Variants in IFT140 observed in about 807,000 individuals in gnomAD.
The protein encoded by IFT140 is intraflagellar transport 140, also known as intraflagellar transport protein 140 homolog.
IFT140 carries 133 observed loss-of-function variants against 164.6 expected under a neutral mutation model. That is an observed-to-expected ratio of 0.81 (90% confidence interval 0.70 to 0.93). The LOEUF is 0.93. IFT140 is among the 40% of genes least tolerant of loss of function. The probability of loss-of-function intolerance (pLI) is 0.00; values close to 1 mark genes in which losing one functional copy is unlikely to be tolerated. For missense variants in IFT140, 2,045 were observed against 1,972.3 expected (o/e 1.04, Z -0.70); for synonymous variants, 860 against 817.3 (o/e 1.05, Z -0.89).
At position 1,526,027 on chromosome 16, in the gene IFT140, G is replaced by C; in HGVS notation, c.2628C>G (p.Asn876Lys). The C allele has an allele frequency of 6.2e-7, 1 of 1,601,926 alleles. No homozygotes were observed. The highest frequency in any genetic ancestry group is 8.5e-7 in the Non-Finnish European group (1 of 1,174,638). ...ACCGGCCCGCAGCCTGGTAGAACTTGTTCAGGAGGTCGTGGCGCTTGCACT... is the reference window on the plus strand; with the variant it reads ...ACCGGCCCGCAGCCTGGTAGAACTTCTTCAGGAGGTCGTGGCGCTTGCACT... ...YRKCKRHDLL[N>K]KFYQAAGRWQ... Residue 876 changes from asparagine to lysine, a missense_variant, in exon 21 of 31, where the codon AAC becomes AAG. Physicochemically the swap from Asn to Lys is moderately conservative, Grantham distance 94 (BLOSUM62 0). Coordinates refer to ENST00000426508, the MANE Select transcript of IFT140 (RefSeq NM_014714.4).
rs998440618 is a variant in IFT140, at chr16:1,584,496, T to C, written c.1156-76A>G. ...AGAAAGATGCGGTCAGGAGAATACT[T>C]ACACACACGAGAACTCAGAAACCAT... On this transcript the variant is annotated intron_variant, in intron 10 of 30. Coordinates refer to ENST00000426508, the MANE Select transcript of IFT140 (RefSeq NM_014714.4). 2.1e-5 allele frequency: 24 copies of C among 1,158,172 alleles called. No individual in the cohort carries two copies. The South Asian group carries it at 2.6e-4, about 12-fold the overall frequency. The allele number at this position is 1,158,172 out of a possible 1,614,324, so 71.7% of individuals were successfully genotyped here. A position where few individuals can be genotyped will look rare whatever the true frequency, so the allele number is the denominator to read the frequency against.
chr16:1,550,073 G>A (rs916794607), intron 19 of IFT140, among the ~76,000 whole-genome samples: 2 of 152,080 alleles, frequency 1.3e-5, no homozygotes, highest in Non-Finnish European at 2.9e-5. Context: ...GAATAGCTGA[G>A]GCTACAGGTG....
chr16:1,518,448 G>A (rs191115159), intron 29 of IFT140, 91 bp from the exon 30 acceptor site: 3 of 1,308,890 alleles, frequency 2.3e-6, no homozygotes, highest in Non-Finnish European at 3.1e-6. Context: ...TGTAAGAGGA[G>A]CTCTCCGGAA....
At chr16:1,521,545 T>C (rs886086976) in intron 26 of IFT140, among the ~76,000 whole-genome samples, 4 of 151,722 alleles carry the variant, frequency 2.6e-5, no homozygotes, top group South Asian at 2.1e-4. Context: ...CCCGCCACCA[T>C]GCCCGGCTAA....
At chr16:1,590,507 C>T (rs1409062925) in intron 6 of IFT140, among the ~76,000 whole-genome samples, 1 of 152,158 alleles carries the variant, frequency 6.6e-6, no homozygotes, top group Admixed American at 6.5e-5. Context: ...CAGGCTCTCT[C>T]TGGACCTCCC....
chr16:1,527,877 G>A (rs1029651420), intron 19 of IFT140, among the ~76,000 whole-genome samples: 2 of 152,286 alleles, frequency 1.3e-5, no homozygotes, highest in South Asian at 2.1e-4. Flanking sequence ...CCAGCCCCCC[G>A]CCTCTCCATG....
chr16:1,554,384 C>CT (rs1441511149), intron 19 of IFT140, among the ~76,000 whole-genome samples: 1 of 152,216 alleles, frequency 6.6e-6, no homozygotes, highest in Non-Finnish European at 1.5e-5. Flanking sequence ...ACTGCTGAGT[C>CT]TGGGGGGCTA....
chr16:1,602,239 CTACAATTG>C, intron 4 of IFT140, 123 bp downstream of exon 4: 4 of 832,050 alleles, frequency 4.8e-6, no homozygotes, highest in Non-Finnish European at 7.7e-6. Flanking sequence ...AAAACAAAAT[CTACAATTG>C]CATCTGACAA....
At chr16:1,519,625 C>T (rs1341559779) in intron 29 of IFT140, among the ~76,000 whole-genome samples, 1 of 152,184 alleles carries the variant, frequency 6.6e-6, no homozygotes, top group African/African-American at 2.4e-5. Flanking sequence ...TCCTGCTCCA[C>T]ATCTGCCTCC....
intron 15 of IFT140, among the ~76,000 whole-genome samples, chr16:1,567,326 T>A (rs923651538): frequency 1.3e-5 from 2 of 152,218 alleles, no homozygotes; most frequent in East Asian, 1.9e-4. Context: ...CCCACCTGCA[T>A]CAGCCTTGGC....
chr16:1,572,214 G>T lies in IFT140; in HGVS notation c.1525-680C>A, dbSNP rs1239832143. Among the ~76,000 whole-genome samples the T allele has an allele frequency of 2.6e-5, 4 of 152,234 alleles. No homozygotes were observed. The East Asian group carries it at 7.7e-4, about 29-fold the overall frequency. ...GTTCCTGCAGGCTGAGGGGAAGAGT[G>T]AGATTTCCTTCTAAGTGAAACTGGA... On this transcript the variant is annotated intron_variant, in intron 13 of 30. Coordinates refer to ENST00000426508, the MANE Select transcript of IFT140 (RefSeq NM_014714.4).
Position 1,587,304 on chromosome 16 carries a change from T to C in IFT140, c.903A>G (p.Arg301=), listed in dbSNP as rs779452063. ...LVMAVGEAAL[R]FWDIERGENY... ...TCTCTCCTCGTTCTATGTCCCAGAATCTACAACAGAAGAAAGCAAGCCCCA... is the reference window on the plus strand; with the variant it reads ...TCTCTCCTCGTTCTATGTCCCAGAACCTACAACAGAAGAAAGCAAGCCCCA... The change falls in exon 9 of 31, where the codon AGA becomes AGG. Residue 301 remains arginine, a splice_region_variant and synonymous_variant. Transcript: ENST00000426508. 1.2e-6 allele frequency: 2 copies of C among 1,602,254 alleles called. No individual in the cohort carries two copies. The highest frequency in any genetic ancestry group is 2.2e-5 in the East Asian group (1 of 44,850).
rs1291087213 is a variant in IFT140 at position 1,563,979 on chromosome 16, A to G, written c.2067+18T>C. 2 of 1,544,838 alleles carry G rather than the reference A, an allele frequency of 1.3e-6. No homozygotes were observed. Among genetic ancestry groups the G allele is most frequent in the African/African-American group, 2.8e-5 (2 of 72,574 alleles). On this transcript the variant is annotated intron_variant, in intron 17 of 30. Transcript: ENST00000426508. ...CCACTGAGTGTGTCTAAACTCAAAT[A>G]CAACAGGCAGAGCGTACCGCAGGGC...
At chr16:1,596,022 C>T (rs2035446411) in intron 4 of IFT140, among the ~76,000 whole-genome samples, 1 of 152,206 alleles carries the variant, frequency 6.6e-6, no homozygotes, top group South Asian at 2.1e-4. Flanking sequence ...CGCCACTGCA[C>T]TCCAGCCTGG....
At chr16:1,592,640 G>A (rs2035240789) in intron 4 of IFT140, 52 bp from the exon 5 acceptor site, 1 of 1,576,966 alleles carries the variant, frequency 6.3e-7, no homozygotes, top group Non-Finnish European at 8.6e-7. Flanking sequence ...CAGAGCGACT[G>A]GTGGAGGGAC....
chr16:1,580,889 T>A (rs758427164), intron 12 of IFT140, 39 bp from the exon 13 acceptor site: 1 of 1,377,288 alleles, frequency 7.3e-7, no homozygotes, highest in South Asian at 1.2e-5. Context: ...CGGCCGCTCA[T>A]CCGCCAGACT....
At chr16:1,527,155 C>G (rs988023346) in intron 19 of IFT140, 32 of 265,854 alleles carry the variant, frequency 1.2e-4, no homozygotes, top group East Asian at 5.5e-4. Context: ...TGCTCTGAGA[C>G]AAAGCCTCCT....
At chr16:1,606,866 C>T (rs560690437) in intron 3 of IFT140, among the ~76,000 whole-genome samples, 36 of 151,564 alleles carry the variant, frequency 2.4e-4, no homozygotes, top group African/African-American at 8.7e-4. Context: ...ACGCATACAC[C>T]CCCCCACATA....
intron 19 of IFT140, among the ~76,000 whole-genome samples, chr16:1,542,684 G>A (rs371435304): frequency 1.1e-4 from 17 of 152,386 alleles, no homozygotes; most frequent in African/African-American, 2.6e-4. Context: ...TGCCTGAGCC[G>A]ACAGTGAGGT....
Sources: allele counts gnomAD v4.1 joint callset (sites outside exome capture counted in the v4.1 genomes callset), GRCh38; gene constraint gnomAD v4.1.1; transcripts MANE v1.5; gene names NCBI Gene and HGNC (gene_info 2026-07-23, HGNC 2026-07-21).